FOCAD: variants seen among roughly 807,000 people sequenced by gnomAD.
FOCAD encodes KIAA1797.
Under a neutral mutation model 225.6 loss-of-function variants are expected in FOCAD, and 198 were observed. The ratio of observed to expected loss-of-function variants is 0.88; its 90% confidence interval spans 0.78 to 0.99. The LOEUF (loss-of-function observed/expected upper bound fraction) is 0.99, where lower values mean the gene tolerates loss of function less well. FOCAD is among the 50% of genes least tolerant of loss of function. The pLI, the probability that FOCAD is intolerant of heterozygous loss-of-function variation, is 0.00. For synonymous variants in FOCAD, 897 were observed against 755.0 expected, an observed-to-expected ratio of 1.19 and a Z score of -3.08; for missense variants, 2,713 against 2,123.6, an observed-to-expected ratio of 1.28 and a Z score of -5.46.
At chr9:20,823,136 T>G (rs1222164503) in intron 15 of FOCAD, 21 bp downstream of exon 15, 1 of 1,596,056 alleles carries the variant, frequency 6.3e-7, no homozygotes, top group Admixed American at 1.8e-5. Flanking sequence ...TTAAATTGCT[T>G]TGGATAATTT....
intron 21 of FOCAD, among the ~76,000 whole-genome samples, chr9:20,906,049 C>G (rs1022848727): frequency 4.0e-4 from 61 of 151,458 alleles, no homozygotes; most frequent in Admixed American, 3.1e-3. Flanking sequence ...ATTTCTGGGT[C>G]TCTCACTAGG....
chr9:20,707,022 G>C (rs1824445345), intron 1 of FOCAD, among the ~76,000 whole-genome samples: 2 of 152,166 alleles, frequency 1.3e-5, no homozygotes, highest in African/African-American at 4.8e-5. Flanking sequence ...CCACTGGAGA[G>C]AACTTGATCA....
intron 1 of FOCAD, among the ~76,000 whole-genome samples, chr9:20,709,564 A>G (rs537451402): frequency 6.6e-6 from 1 of 151,884 alleles, no homozygotes; most frequent in East Asian, 1.9e-4. Flanking sequence ...TGCTAAAGTG[A>G]CCATGTGTAC....
At chr9:20,835,687 A>G (rs1825924865) in intron 15 of FOCAD, among the ~76,000 whole-genome samples, 1 of 152,114 alleles carries the variant, frequency 6.6e-6, no homozygotes, top group Non-Finnish European at 1.5e-5. Context: ...GTTCTGAAAG[A>G]GAGAGATTAA....
At chr9:20,773,951 A>G (rs1000854425) in intron 8 of FOCAD, among the ~76,000 whole-genome samples, 16 of 152,184 alleles carry the variant, frequency 1.1e-4, no homozygotes, top group African/African-American at 3.1e-4. Flanking sequence ...ACAGGAGGTG[A>G]GCAGCCCAGT....
chr9:20,931,352 T>G (rs1835452253), intron 27 of FOCAD, among the ~76,000 whole-genome samples: 1 of 152,160 alleles, frequency 6.6e-6, no homozygotes, highest in Admixed American at 6.5e-5. Context: ...GCATCCTCCT[T>G]CTACTTAGGG....
chr9:20,890,044 G>T (rs553501775), intron 21 of FOCAD, among the ~76,000 whole-genome samples: 38 of 151,910 alleles, frequency 2.5e-4, no homozygotes, highest in African/African-American at 8.7e-4. Context: ...TTTTTTCTAT[G>T]ACCTTACTAA....
At chr9:20,810,936 C>G (rs747370333) in intron 11 of FOCAD, among the ~76,000 whole-genome samples, 56 of 152,056 alleles carry the variant, frequency 3.7e-4, no homozygotes, top group African/African-American at 1.3e-3. Context: ...AAATTTATAC[C>G]TCAGATTCTG....
At chr9:20,892,342 T>C (rs1411979820) in intron 21 of FOCAD, among the ~76,000 whole-genome samples, 1 of 152,148 alleles carries the variant, frequency 6.6e-6, no homozygotes, top group Non-Finnish European at 1.5e-5. Context: ...GATTCCTCTG[T>C]TGGATCTGGG....
chr9:20,940,409 CAA>C (rs1198398260), intron 28 of FOCAD, among the ~76,000 whole-genome samples: 1 of 151,880 alleles, frequency 6.6e-6, no homozygotes, highest in East Asian at 1.9e-4. Flanking sequence ...GCCTCAGCCT[CAA>C]GTAGCTGGTA....
At chr9:20,881,416 C>T (rs1455389645) in intron 19 of FOCAD, among the ~76,000 whole-genome samples, 1 of 152,124 alleles carries the variant, frequency 6.6e-6, no homozygotes, top group African/African-American at 2.4e-5. Flanking sequence ...CAGTGAAAAG[C>T]AACTGGAAGG....
At chr9:20,697,035 A>G (rs984527327) in intron 1 of FOCAD, among the ~76,000 whole-genome samples, 6 of 152,162 alleles carry the variant, frequency 3.9e-5, no homozygotes, top group African/African-American at 1.4e-4. Context: ...GGCTTCCAGA[A>G]CTGTGAGCCA....
chr9:20,686,621 A>G (rs1443737872), intron 1 of FOCAD, among the ~76,000 whole-genome samples: 1 of 152,242 alleles, frequency 6.6e-6, no homozygotes, highest in African/African-American at 2.4e-5. Flanking sequence ...GATGTATAAC[A>G]AAGAACTTGG....
chr9:20,872,101 A>T (rs1365000166), intron 18 of FOCAD, among the ~76,000 whole-genome samples: 1 of 152,122 alleles, frequency 6.6e-6, no homozygotes, highest in Non-Finnish European at 1.5e-5. Context: ...TTCTTAAATT[A>T]TAATACATTT....
chr9:20,782,365 T>C (rs1389028349), intron 10 of FOCAD, among the ~76,000 whole-genome samples: 2 of 152,212 alleles, frequency 1.3e-5, no homozygotes, highest in Non-Finnish European at 2.9e-5. Context: ...AACTTCTTTA[T>C]TTAATATGGC....
At chr9:20,769,282 C>T (rs572231134) in intron 7 of FOCAD, among the ~76,000 whole-genome samples, 5 of 152,248 alleles carry the variant, frequency 3.3e-5, no homozygotes, top group East Asian at 3.9e-4. Context: ...AAGGTACTGC[C>T]GGTCAACCGT....
intron 15 of FOCAD, among the ~76,000 whole-genome samples, chr9:20,844,212 C>T (rs1433205594): frequency 2.6e-5 from 4 of 151,968 alleles, no homozygotes; most frequent in Non-Finnish European, 2.9e-5. Flanking sequence ...GCCAACTGAC[C>T]ATTTTTATTT....
chr9:20,894,653 T>C (rs1411627696), intron 21 of FOCAD, among the ~76,000 whole-genome samples: 2 of 152,132 alleles, frequency 1.3e-5, no homozygotes, highest in Non-Finnish European at 2.9e-5. Flanking sequence ...TCTATTTCTT[T>C]GGCCCATTTT....
chr9:20,694,139 C>T (rs933608136), intron 1 of FOCAD, among the ~76,000 whole-genome samples: 1 of 152,182 alleles, frequency 6.6e-6, no homozygotes, highest in African/African-American at 2.4e-5. Flanking sequence ...TACTTAATAG[C>T]AACCTCTTCA....
Sources: gnomAD v4.1 joint callset for allele counts (sites outside exome capture counted in the v4.1 genomes callset) on GRCh38, gnomAD v4.1.1 for gene constraint, MANE v1.5 for transcripts, NCBI Gene and HGNC (gene_info 2026-07-23, HGNC 2026-07-21) for gene names.